The following CNGB1 variants were observed in gnomAD, a reference collection of about 807,000 sequenced individuals.
CNGB1 encodes the protein cyclic nucleotide gated channel subunit beta 1, also known as cyclic nucleotide-gated channel beta-1.
CNGB1 carries 126 observed loss-of-function variants against 151.7 expected under a neutral mutation model. The ratio of observed to expected loss-of-function variants is 0.83; its 90% CI spans 0.72 to 0.96. The LOEUF (loss-of-function observed/expected upper bound fraction) is 0.96. Among genes scored for constraint, CNGB1 ranks in the 40% least tolerant of loss-of-function variants. CNGB1 has a pLI of 0.00. For missense variants in CNGB1, 1,698 were observed against 1,627.0 expected (o/e 1.04, Z -0.75); for synonymous variants, 623 against 635.1 (o/e 0.98, Z 0.29).
chr16:57,901,496 A>C, intron 28 of CNGB1, 32 bp downstream of exon 28: 2 of 1,612,166 alleles, frequency 1.2e-6, no homozygotes, highest in Non-Finnish European at 1.7e-6. Flanking sequence ...AGCCTCCCAC[A>C]GCCCTGAGCG....
chr16:57,896,092 C>A (rs940778344), intron 31 of CNGB1, among the ~76,000 whole-genome samples: 3 of 152,080 alleles, frequency 2.0e-5, no homozygotes, highest in Admixed American at 2.0e-4. Context: ...CTCTTTGTAA[C>A]TATCATAGGG....
At chr16:57,901,084 C>T (rs1411593545) in intron 29 of CNGB1, among the ~76,000 whole-genome samples, 2 of 152,142 alleles carry the variant, frequency 1.3e-5, no homozygotes, top group Admixed American at 1.3e-4. Flanking sequence ...TGTCCTGGCC[C>T]CCATGGTCCT....
chr16:57,910,415 C>G (rs1960676862), intron 25 of CNGB1, among the ~76,000 whole-genome samples: 1 of 152,128 alleles, frequency 6.6e-6, no homozygotes, highest in South Asian at 2.1e-4. Flanking sequence ...TGCTCTATCA[C>G]CCAGGCTGGA....
chr16:57,896,038 G>A (rs1960215116), intron 31 of CNGB1, among the ~76,000 whole-genome samples: 1 of 152,090 alleles, frequency 6.6e-6, no homozygotes, highest in Non-Finnish European at 1.5e-5. Context: ...AATCAAGGAG[G>A]GAGTGGAGTT....
At chr16:57,940,493 CA>C (rs1234822380) in intron 14 of CNGB1, among the ~76,000 whole-genome samples, 172 bp from the exon 15 acceptor site, 2 of 152,278 alleles carry the variant, frequency 1.3e-5, no homozygotes, top group African/African-American at 4.8e-5. Flanking sequence ...ACAATCACCC[CA>C]TCTGAGACAT....
At position 57,917,332 on chromosome 16, in the gene CNGB1, A is replaced by C. The variant is rs747099396; in HGVS notation, c.2102T>G (p.Ile701Ser). 1.2e-6 allele frequency: 2 copies of C among 1,614,068 alleles called. No individual in the cohort carries two copies. The highest frequency in any genetic ancestry group is 2.2e-5 in the South Asian group (2 of 91,076). The change falls in exon 21 of 33, where the codon ATC becomes AGC. Residue 701 changes from isoleucine (I) to serine (S), a missense_variant. By Grantham distance (142) the Ile-to-Ser change is moderately radical. Transcript: ENST00000251102. The stretch of plus-strand genomic sequence containing the variant: ...GAACACGGTGATGTCCAGGAAGTAG[A>C]TGAGGTCGCATAGGTAATCCATCAG... ...WLLMDYLCDL[I>S]YFLDITVFQT... is the part of the protein sequence containing the mutation.
rs752713503 is a variant in CNGB1 at position 57,882,340 on chromosome 16, A to ATTT, written c.*1823_*1824insAAA. 1,308 of 136,824 alleles carry ATTT rather than the reference A, an allele frequency of 9.6e-3. 11 individuals are homozygous for ATTT. Among genetic ancestry groups the ATTT allele is most frequent in the Middle Eastern group, 0.023 (6 of 260 alleles). 8.5% of individuals were successfully genotyped at this position (136,824 alleles called of 1,614,324 possible). A position where few individuals can be genotyped will look rare whatever the true frequency, so the allele number is the denominator to read the frequency against. On this transcript the variant is annotated 3_prime_UTR_variant, in exon 33 of 33. Coordinates refer to ENST00000251102, the MANE Select transcript of CNGB1 (RefSeq NM_001297.5). ...CATTTTTAAAGCTTTTTTTTTTAAA[A>ATTT]AAAAAATAGGGTAAAATAATAAGGT...
At chr16:57,927,464 T>C (rs1192792232) in intron 17 of CNGB1, among the ~76,000 whole-genome samples, 4 of 152,218 alleles carry the variant, frequency 2.6e-5, no homozygotes, top group African/African-American at 9.6e-5. Context: ...ATAGTCACAG[T>C]CAACCTGGCA....
At chr16:57,920,668 C>T in intron 18 of CNGB1, 124 bp from the exon 19 acceptor site, 2 of 1,151,550 alleles carry the variant, frequency 1.7e-6, no homozygotes, top group Non-Finnish European at 2.5e-6. Flanking sequence ...AAGTCCTGCC[C>T]CCATCTCCTT....
intron 2 of CNGB1, among the ~76,000 whole-genome samples, chr16:57,965,651 T>C (rs1962375620): frequency 1.3e-5 from 1 of 74,886 alleles, no homozygotes; most frequent in African/African-American, 4.0e-5. Context: ...GGCAAATATG[T>C]GTATATACAC....
intron 32 of CNGB1, among the ~76,000 whole-genome samples, chr16:57,887,654 T>C (rs1959968771): frequency 6.6e-6 from 1 of 152,210 alleles, no homozygotes; most frequent in Admixed American, 6.5e-5. Context: ...AACTTTTCGA[T>C]TACGTGACCC....
At chr16:57,900,343 A>G (rs933642053) in intron 29 of CNGB1, among the ~76,000 whole-genome samples, 3 of 152,186 alleles carry the variant, frequency 2.0e-5, no homozygotes, top group African/African-American at 7.2e-5. Context: ...CACAGCATAT[A>G]ACCTGGAGAC....
intron 24 of CNGB1, among the ~76,000 whole-genome samples, chr16:57,912,563 C>A (rs1054057635): frequency 2.6e-5 from 4 of 151,172 alleles, no homozygotes; most frequent in Non-Finnish European, 4.4e-5. Context: ...TAGGTGCAAA[C>A]TTCCTGTGTT....
intron 19 of CNGB1, 43 bp downstream of exon 19, chr16:57,920,343 AC>A (rs550244980): frequency 9.3e-4 from 1,499 of 1,611,214 alleles, no homozygotes; most frequent in Admixed American, 1.3e-3. Flanking sequence ...TGGAGGCCCC[AC>A]CCCATCCCCA....
chr16:57,952,493 C>CTTTTTTTTTT lies in CNGB1; in HGVS notation c.875-1963_875-1954dup, dbSNP rs10598722. Among the ~76,000 whole-genome samples the CTTTTTTTTTT allele has an allele frequency of 2.3e-4, 14 of 62,100 alleles. 3 individuals carry two copies. Among genetic ancestry groups the CTTTTTTTTTT allele is most frequent in the Non-Finnish European group, 2.8e-5 (1 of 35,432 alleles). 40.7% of individuals were successfully genotyped at this position (62,100 alleles called of 152,430 possible). The stretch of plus-strand genomic sequence containing the variant: ...TGCGTGGGTGTTTTACAAGCATTTC[C>CTTTTTTTTTT]TTTTTTTTTTTTTTTTTTTTTTTTT... On this transcript the variant is annotated intron_variant, in intron 12 of 32. Coordinates refer to ENST00000251102, the MANE Select transcript of CNGB1 (RefSeq NM_001297.5).
intron 32 of CNGB1, among the ~76,000 whole-genome samples, chr16:57,887,298 A>G (rs1959959267): frequency 6.6e-6 from 1 of 152,160 alleles, no homozygotes; most frequent in East Asian, 1.9e-4. Flanking sequence ...CAGTATCAAG[A>G]CTGCCTTTTA....
At chr16:57,922,249 C>T (rs1256024366) in intron 18 of CNGB1, among the ~76,000 whole-genome samples, 1 of 152,030 alleles carries the variant, frequency 6.6e-6, no homozygotes, top group Non-Finnish European at 1.5e-5. Flanking sequence ...GAGTCATGGC[C>T]AAGGACTGTG....
chr16:57,940,792 A>G (rs1416321102), intron 14 of CNGB1, among the ~76,000 whole-genome samples: 2 of 152,156 alleles, frequency 1.3e-5, no homozygotes, highest in Non-Finnish European at 2.9e-5. Flanking sequence ...AAAATCACAC[A>G]GCAAATTGTC....
At chr16:57,926,818 A>G (rs781725790) in intron 17 of CNGB1, among the ~76,000 whole-genome samples, 9 of 152,144 alleles carry the variant, frequency 5.9e-5, no homozygotes, top group South Asian at 4.1e-4. Flanking sequence ...CGTCTCTACT[A>G]AAAATACAAA....
Sources: allele counts gnomAD v4.1 joint callset (sites outside exome capture counted in the v4.1 genomes callset), GRCh38; gene constraint gnomAD v4.1.1; transcripts MANE v1.5; gene names NCBI Gene and HGNC (gene_info 2026-07-23, HGNC 2026-07-21).